Variants in RYR2 observed in about 807,000 individuals in gnomAD.
RYR2 encodes ryanodine receptor 2, also known as cardiac muscle ryanodine receptor-calcium release channel.
RYR2 carries 227 observed loss-of-function variants against 601.1 expected under a neutral mutation model. The ratio of observed to expected loss-of-function variants is 0.38; its 90% CI spans 0.34 to 0.42. RYR2 has a LOEUF of 0.42. Among genes scored for constraint, RYR2 ranks in the 10% least tolerant of loss-of-function variants. The pLI, the probability that RYR2 is intolerant of heterozygous loss-of-function variation, is 1.00. For missense variants in RYR2, 4,646 were observed against 6,156.5 expected (o/e 0.75, Z 8.21); for synonymous variants, 2,223 against 2,175.1 (o/e 1.02, Z -0.61).
intron 3 of RYR2, among the ~76,000 whole-genome samples, chr1:237,336,979 G>A (rs1697303841): frequency 6.6e-6 from 1 of 151,904 alleles, no homozygotes; most frequent in Admixed American, 6.6e-5. Flanking sequence ...GGCTGGGCAC[G>A]GTGGCTCACA....
chr1:237,807,563 G>A lies in RYR2; in HGVS notation c.14298+1280G>A, dbSNP rs1429516151. On this transcript the variant is annotated intron_variant, in intron 99 of 104. Coordinates refer to ENST00000366574, the MANE Select transcript of RYR2 (RefSeq NM_001035.3). Reference sequence around the variant, plus strand: ...GATGGGGTTTCACCATGTTGGCCAGGCTGGTCTCGAACTTCTGACCTCAGG... The same window carrying A: ...GATGGGGTTTCACCATGTTGGCCAGACTGGTCTCGAACTTCTGACCTCAGG... 3.3e-5 allele frequency among the ~76,000 whole-genome samples: 5 copies of A among 152,254 alleles called. No individual in the cohort carries two copies. In the East Asian group the frequency reaches 9.7e-4, roughly 29 times the overall value.
chr1:237,749,022 A>G (rs1304108684), intron 80 of RYR2, among the ~76,000 whole-genome samples: 1 of 152,192 alleles, frequency 6.6e-6, no homozygotes, highest in African/African-American at 2.4e-5. Context: ...CATTTTATAT[A>G]AGGGACAGAT....
At chr1:237,430,338 T>C (rs945355247) in intron 12 of RYR2, among the ~76,000 whole-genome samples, 3 of 151,644 alleles carry the variant, frequency 2.0e-5, no homozygotes, top group Non-Finnish European at 4.4e-5. Context: ...TTACTCAACA[T>C]TTTGAGTTGT....
intron 12 of RYR2, among the ~76,000 whole-genome samples, chr1:237,439,979 T>C (rs1707757885): frequency 6.6e-6 from 1 of 152,234 alleles, no homozygotes; most frequent in Non-Finnish European, 1.5e-5. Flanking sequence ...GAAATTGGAA[T>C]GGTTTTATTG....
Position 237,493,030 on chromosome 1 carries a change from A to G in RYR2, c.1904A>G (p.Asn635Ser), listed in dbSNP as rs1663587839. 2.5e-6 allele frequency: 4 copies of G among 1,612,938 alleles called. No individual in the cohort carries two copies. Among genetic ancestry groups the G allele is most frequent in the Non-Finnish European group, 3.4e-6 (4 of 1,179,536 alleles). The part of the protein sequence containing the change: ...VRSNQHLICD[N>S]LLPGRDLLLQ... ...TCTAACCAGCATCTCATCTGTGACA[A>G]TCTCCTACCAGGAAGAGACTTGTTA... Residue 635 changes from asparagine (N) to serine (S), a missense_variant, in exon 19 of 105, where the codon AAT becomes AGT. Physicochemically the swap from Asn to Ser is conservative, Grantham distance 46. Around this residue, in one of 17 missense-constraint regions of RYR2, gnomAD observed 1,807 missense variants for 2,088.1 expected, o/e 0.87. Transcript: ENST00000366574.
chr1:237,160,289 T>C (rs1281565701), intron 1 of RYR2, among the ~76,000 whole-genome samples: 1 of 152,220 alleles, frequency 6.6e-6, no homozygotes, highest in Non-Finnish European at 1.5e-5. Flanking sequence ...TGTCAGTGTT[T>C]AGAGGAAATG....
chr1:237,681,721 C>T (rs932833836), intron 62 of RYR2, among the ~76,000 whole-genome samples: 1 of 152,182 alleles, frequency 6.6e-6, no homozygotes, highest in Non-Finnish European at 1.5e-5. Flanking sequence ...CCCACTTGAA[C>T]ATGGCCTTCC....
intron 1 of RYR2, among the ~76,000 whole-genome samples, chr1:237,100,489 T>A (rs1228949334): frequency 6.6e-6 from 1 of 151,838 alleles, no homozygotes; most frequent in African/African-American, 2.4e-5. Context: ...CAGATTCAAG[T>A]GATTCTCCTG....
Position 237,469,186 on chromosome 1 carries a change from A to G in RYR2, c.1707A>G (p.Ser569=), listed in dbSNP as rs757215216. 7.2e-6 allele frequency: 11 copies of G among 1,532,664 alleles called. No homozygotes were observed. In the Admixed American group the frequency reaches 1.1e-4, roughly 15 times the overall value. 94.9% of individuals were successfully genotyped at this position (1,532,664 alleles called of 1,614,324 possible). A position where few individuals can be genotyped will look rare whatever the true frequency, so the allele number is the denominator to read the frequency against. The change falls in exon 17 of 105, where the codon TCA becomes TCG. Residue 569 remains serine, a splice_region_variant and synonymous_variant. Coordinates refer to ENST00000366574, the MANE Select transcript of RYR2 (RefSeq NM_001035.3). ...ISRLERLEAS[S]GILEVLHCVL... Reference sequence around the variant, plus strand: ...GATTGGAAAGACTGGAAGCTTCTTCAGGTATGTTTTCTAGTTTTTTCCTTG... The same window carrying G: ...GATTGGAAAGACTGGAAGCTTCTTCGGGTATGTTTTCTAGTTTTTTCCTTG...
At chr1:237,238,090 A>G (rs1337666029) in intron 1 of RYR2, among the ~76,000 whole-genome samples, 1 of 151,550 alleles carries the variant, frequency 6.6e-6, no homozygotes, top group Non-Finnish European at 1.5e-5. Flanking sequence ...GAGTAGCAGG[A>G]CCACAGGTGT....
At chr1:237,182,536 T>C (rs886841217) in intron 1 of RYR2, among the ~76,000 whole-genome samples, 7 of 152,232 alleles carry the variant, frequency 4.6e-5, no homozygotes, top group Non-Finnish European at 7.3e-5. Flanking sequence ...ACAGGAATCA[T>C]GAATATATTG....
At chr1:237,565,502 T>C (rs1042813014) in intron 27 of RYR2, among the ~76,000 whole-genome samples, 6 of 151,982 alleles carry the variant, frequency 3.9e-5, no homozygotes, top group Non-Finnish European at 8.8e-5. Flanking sequence ...GCCTTGGCCT[T>C]CCAAAGTGTT....
Position 237,832,717 on chromosome 1 carries a change from T to C in RYR2, c.*70T>C. 1.2e-6 allele frequency: 1 copy of C among 862,376 alleles called. No individual in the cohort carries two copies. Among genetic ancestry groups the C allele is most frequent in the Non-Finnish European group, 1.8e-6 (1 of 541,654 alleles). The allele number at this position is 862,376 out of a possible 1,614,324, so 53.4% of individuals were successfully genotyped here. On this transcript the variant is annotated 3_prime_UTR_variant, in exon 105 of 105. Transcript: ENST00000366574. ...TCTCCCTCTCTCAATTTCTCTGCTC[T>C]CTTGGAAACATTTTGCTGATTTTGT...
At chr1:237,644,843 A>G (rs1306668559) in intron 48 of RYR2, among the ~76,000 whole-genome samples, 5 of 152,012 alleles carry the variant, frequency 3.3e-5, no homozygotes, top group Non-Finnish European at 7.4e-5. Flanking sequence ...ACCAGCCTGG[A>G]CAACATGGCA....
chr1:237,182,162 C>T (rs1197333803), intron 1 of RYR2, among the ~76,000 whole-genome samples: 1 of 151,738 alleles, frequency 6.6e-6, no homozygotes, highest in East Asian at 1.9e-4. Context: ...CACTCTATTG[C>T]CCAGGCTGGA....
intron 5 of RYR2, among the ~76,000 whole-genome samples, chr1:237,366,262 C>T (rs759000729): frequency 3.9e-5 from 6 of 152,160 alleles, no homozygotes; most frequent in African/African-American, 1.4e-4. Flanking sequence ...ATGAAGACAC[C>T]ATCCCAAGTA....
intron 20 of RYR2, 85 bp downstream of exon 20, chr1:237,496,837 G>C: frequency 1.4e-6 from 2 of 1,477,606 alleles, no homozygotes; most frequent in Non-Finnish European, 1.8e-6. Context: ...GCTTCCATTA[G>C]GTACTTCTAT....
chr1:237,815,807 A>G (rs1558475237), intron 100 of RYR2, among the ~76,000 whole-genome samples: 1 of 152,174 alleles, frequency 6.6e-6, no homozygotes, highest in African/African-American at 2.4e-5. Context: ...AACCAGTATT[A>G]CATAAGCCTG....
chr1:237,291,582 A>G (rs764525817), intron 2 of RYR2, among the ~76,000 whole-genome samples: 22 of 152,194 alleles, frequency 1.4e-4, no homozygotes, highest in Admixed American at 2.6e-4. Context: ...CATCCAGACA[A>G]TGGGATATTA....
Sources: gnomAD v4.1 joint callset for allele counts (sites outside exome capture counted in the v4.1 genomes callset) on GRCh38, gnomAD v4.1.1 for gene constraint, gnomAD v4.1.1 regional missense constraint, MANE v1.5 for transcripts, NCBI Gene and HGNC (gene_info 2026-07-23, HGNC 2026-07-21) for gene names.